SGCD: variants seen among roughly 807,000 people sequenced by gnomAD.
SGCD encodes the protein sarcoglycan delta.
SGCD carries 18 observed loss-of-function variants against 36.6 expected under a neutral mutation model. The observed-to-expected ratio is 0.49, with a 90% CI of 0.34 to 0.73. The LOEUF is 0.73. SGCD is among the 30% of genes least tolerant of loss of function. SGCD has a pLI of 0.01. For synonymous variants in SGCD, 133 were observed against 130.6 expected, an observed-to-expected ratio of 1.02 and a Z score of -0.12; for missense variants, 387 against 346.7, an observed-to-expected ratio of 1.12 and a Z score of -0.92.
At chr5:156,077,649 C>A (rs997693392) in intron 1 of SGCD, among the ~76,000 whole-genome samples, 2 of 152,088 alleles carry the variant, frequency 1.3e-5, no homozygotes, top group Non-Finnish European at 2.9e-5. Context: ...GGTCGAGAAT[C>A]TCCTTCTTCT....
chr5:156,052,160 A>G (rs1759935827), intron 1 of SGCD, among the ~76,000 whole-genome samples: 1 of 146,134 alleles, frequency 6.8e-6, no homozygotes, highest in African/African-American at 2.5e-5. Context: ...CAAGAAGAGG[A>G]GGGGCCAGGC....
chr5:156,139,504 A>C (rs1423699074), intron 3 of SGCD, among the ~76,000 whole-genome samples: 1 of 152,124 alleles, frequency 6.6e-6, no homozygotes, highest in Admixed American at 6.5e-5. Context: ...CAATTATGAG[A>C]GCTGTGTCCT....
chr5:156,721,346 T>C (rs1379845010), intron 7 of SGCD, among the ~76,000 whole-genome samples: 10 of 152,160 alleles, frequency 6.6e-5, no homozygotes, highest in African/African-American at 2.4e-4. Flanking sequence ...AGTATATAAG[T>C]CTAATAAAGA....
chr5:156,400,321 A>G (rs1425444637), intron 3 of SGCD, among the ~76,000 whole-genome samples: 2 of 152,222 alleles, frequency 1.3e-5, no homozygotes, highest in African/African-American at 4.8e-5. Context: ...TACAGTTTCC[A>G]TCATTTCCCA....
chr5:156,600,786 C>T (rs1039221300), intron 6 of SGCD, among the ~76,000 whole-genome samples: 1 of 152,062 alleles, frequency 6.6e-6, no homozygotes, highest in Admixed American at 6.5e-5. Context: ...TTTATATTCC[C>T]ACTAACCATG....
At chr5:156,158,515 G>A (rs1763015855) in intron 3 of SGCD, among the ~76,000 whole-genome samples, 1 of 151,264 alleles carries the variant, frequency 6.6e-6, no homozygotes, top group African/African-American at 2.5e-5. Context: ...GAGAGGGGAG[G>A]GAACAAAAAG....
the SGCD span, among the ~76,000 whole-genome samples, chr5:155,853,547 C>A: frequency 6.6e-6 from 1 of 152,072 alleles, no homozygotes; most frequent in Non-Finnish European, 1.5e-5. Context: ...TTTGCTCTTG[C>A]GCCTTTAAAA....
At chr5:155,728,017 G>A in the SGCD span, among the ~76,000 whole-genome samples, 1 of 152,004 alleles carries the variant, frequency 6.6e-6, no homozygotes, top group African/African-American at 2.4e-5. Context: ...CACCCCGCCC[G>A]CGTTTCGCTG....
chr5:156,545,702 C>A (rs1325070180), intron 4 of SGCD, among the ~76,000 whole-genome samples: 1 of 152,168 alleles, frequency 6.6e-6, no homozygotes, highest in Non-Finnish European at 1.5e-5. Flanking sequence ...TCCTGCTGTG[C>A]AGCCTGGTTC....
chr5:156,004,494 A>AT (rs938559275), intron 1 of SGCD, among the ~76,000 whole-genome samples: 1 of 152,100 alleles, frequency 6.6e-6, no homozygotes, highest in African/African-American at 2.4e-5. Flanking sequence ...TAGTACTATG[A>AT]TTTTCCCTGC....
In SGCD at chr5:156,763,258, C is replaced by A. The variant is rs181847929; in HGVS notation, c.*3868C>A. 3.4e-3 allele frequency: 523 copies of A among 152,748 alleles called. No individual in the cohort carries two copies. Among genetic ancestry groups the A allele is most frequent in the Non-Finnish European group, 4.8e-3 (327 of 68,052 alleles). 9.5% of individuals were successfully genotyped at this position (152,748 alleles called of 1,614,324 possible). ...ATTAAAGTTTTCCACTTCACCCTCC[C>A]ATAGTCTAGAGGGATGCCCATTCCA... On this transcript the variant is annotated 3_prime_UTR_variant, in exon 9 of 9. Coordinates refer to ENST00000337851, the MANE Select transcript of SGCD (RefSeq NM_000337.6).
At chr5:156,448,731 C>CTTTTTTTTTTTT (rs1158844774) in intron 3 of SGCD, among the ~76,000 whole-genome samples, 964 of 76,048 alleles carry the variant, frequency 0.013, 19 homozygotes, top group Non-Finnish European at 0.017. Context: ...TTTTCTTTTT[C>CTTTTTTTTTTTT]TTTTTTTTTT....
At chr5:156,422,084 G>C (rs559559860) in intron 3 of SGCD, among the ~76,000 whole-genome samples, 37 of 152,200 alleles carry the variant, frequency 2.4e-4, no homozygotes, top group Admixed American at 2.4e-3. Flanking sequence ...AGCCAGGGTT[G>C]ATAGTTCATA....
At chr5:156,165,172 A>G (rs78716291) in intron 3 of SGCD, among the ~76,000 whole-genome samples, 4,376 of 152,272 alleles carry the variant, frequency 0.029, 182 homozygotes, top group African/African-American at 0.089. Flanking sequence ...CTGTGAAGCC[A>G]TACTTCTGCA....
chr5:156,044,695 C>T (rs1210926246), intron 1 of SGCD, among the ~76,000 whole-genome samples: 3 of 152,048 alleles, frequency 2.0e-5, no homozygotes, highest in Non-Finnish European at 1.5e-5. Context: ...AAGGACTTAC[C>T]ATCAATTACG....
the SGCD span, among the ~76,000 whole-genome samples, chr5:155,770,147 C>T: frequency 6.6e-6 from 1 of 152,120 alleles, no homozygotes; most frequent in Middle Eastern, 3.4e-3. Context: ...CACCACACCC[C>T]TGTCCCCTCC....
intron 3 of SGCD, among the ~76,000 whole-genome samples, chr5:156,131,585 T>A (rs1762325572): frequency 1.3e-5 from 2 of 152,208 alleles, no homozygotes; most frequent in Admixed American, 6.5e-5. Flanking sequence ...GTCTATGTAT[T>A]CACTTAATTT....
intron 3 of SGCD, among the ~76,000 whole-genome samples, chr5:156,349,074 T>A (rs1290310549): frequency 1.3e-5 from 2 of 152,124 alleles, no homozygotes; most frequent in Non-Finnish European, 2.9e-5. Flanking sequence ...GATCCTTGTC[T>A]CTCACTGTAT....
chr5:156,514,541 T>C (rs1407218633), intron 4 of SGCD, among the ~76,000 whole-genome samples: 4 of 152,192 alleles, frequency 2.6e-5, no homozygotes, highest in East Asian at 1.9e-4. Flanking sequence ...TATGCAAATA[T>C]TGAGAGTATT....
Sources: gnomAD v4.1 joint callset for allele counts (sites outside exome capture counted in the v4.1 genomes callset) on GRCh38, gnomAD v4.1.1 for gene constraint, MANE v1.5 for transcripts, NCBI Gene and HGNC (gene_info 2026-07-23, HGNC 2026-07-21) for gene names.